The following MCTP1 variants were observed in gnomAD, a reference collection of about 807,000 sequenced individuals.
MCTP1 encodes the protein multiple C2 and transmembrane domain-containing protein 1.
A neutral mutation model predicts 120.6 loss-of-function variants in MCTP1; 69 were observed. That is an observed-to-expected ratio of 0.57 (90% confidence interval 0.47 to 0.70). The LOEUF is 0.70. MCTP1 is among the 30% of genes least tolerant of loss of function. The pLI is 0.00. For missense variants in MCTP1, 1,203 were observed against 1,248.8 expected (o/e 0.96, Z 0.55); for synonymous variants, 529 against 493.1 (o/e 1.07, Z -0.96).
chr5:94,912,766 C>T, intron 9 of MCTP1, 40 bp downstream of exon 9: 1 of 1,473,014 alleles, frequency 6.8e-7, no homozygotes, highest in Non-Finnish European at 9.0e-7. Context: ...CAACCAATGC[C>T]TTCCAAATAT....
intron 1 of MCTP1, among the ~76,000 whole-genome samples, chr5:95,119,845 A>G (rs1163177356): frequency 6.6e-5 from 10 of 152,262 alleles, no homozygotes; most frequent in African/African-American, 2.4e-4. Context: ...GAATAGACCA[A>G]TAACAAGTAA....
At chr5:95,167,671 A>AT (rs1275486735) in intron 1 of MCTP1, among the ~76,000 whole-genome samples, 1 of 152,110 alleles carries the variant, frequency 6.6e-6, no homozygotes, top group Admixed American at 6.5e-5. Context: ...GATGATGAGC[A>AT]TTTTTTCATG....
chr5:95,152,384 T>C (rs1250865360), intron 1 of MCTP1, among the ~76,000 whole-genome samples: 1 of 152,224 alleles, frequency 6.6e-6, no homozygotes, highest in East Asian at 1.9e-4. Context: ...GCATTCTATG[T>C]GTAGGGGACA....
chr5:94,705,653 G>GTTAC lies in MCTP1; in HGVS notation c.*1839_*1842dup, dbSNP rs1446688981. 4 of 151,424 alleles carry GTTAC rather than the reference G, an allele frequency of 2.6e-5. No homozygotes were observed. The highest frequency in any genetic ancestry group is 6.6e-5 in the Admixed American group (1 of 15,144). The allele number at this position is 151,424 out of a possible 1,614,324, so 9.4% of individuals were successfully genotyped here. A position where few individuals can be genotyped will look rare whatever the true frequency, so the allele number is the denominator to read the frequency against. On this transcript the variant is annotated 3_prime_UTR_variant, in exon 23 of 23. Transcript: ENST00000515393. ...GAAACAAATTAGTCATCTGTTAATG[G>GTTAC]TTACTATCCACTAGATACATCTGAG...
intron 12 of MCTP1, among the ~76,000 whole-genome samples, chr5:94,876,566 T>A (rs1798917133): frequency 6.6e-6 from 1 of 152,274 alleles, no homozygotes; most frequent in Non-Finnish European, 1.5e-5. Flanking sequence ...GATTATATAA[T>A]CTATTTTTCT....
rs139236801 is a variant in MCTP1, at chr5:94,809,250, T to G, written c.2437-10118A>C. On this transcript the variant is annotated intron_variant, in intron 17 of 22. Coordinates refer to ENST00000515393, the MANE Select transcript of MCTP1 (RefSeq NM_024717.7). The stretch of plus-strand genomic sequence containing the variant: ...GCTTGGGAAGTTATTTATTTAAATG[T>G]TTTTTTTTTTCAGCTTACAAGTTGT... 3.4e-4 allele frequency among the ~76,000 whole-genome samples: 49 copies of G among 143,952 alleles called. No homozygotes were observed. The East Asian group carries it at 7.7e-3, about 23-fold the overall frequency. 94.4% of individuals were successfully genotyped at this position (143,952 alleles called of 152,430 possible).
At chr5:94,831,466 AT>A (rs1239472323) in intron 17 of MCTP1, among the ~76,000 whole-genome samples, 1 of 152,194 alleles carries the variant, frequency 6.6e-6, no homozygotes, top group Non-Finnish European at 1.5e-5. Context: ...TTTGCAAAAG[AT>A]TTTTTTATAA....
chr5:95,002,851 G>A (rs1347376947), intron 2 of MCTP1, among the ~76,000 whole-genome samples: 1 of 152,112 alleles, frequency 6.6e-6, no homozygotes, highest in African/African-American at 2.4e-5. Context: ...ATGAGATTTG[G>A]GAGGGACCAA....
At chr5:94,929,911 A>G (rs1814116226) in intron 6 of MCTP1, among the ~76,000 whole-genome samples, 1 of 152,214 alleles carries the variant, frequency 6.6e-6, no homozygotes, top group Non-Finnish European at 1.5e-5. Flanking sequence ...TTAGTATTCA[A>G]TATCCCCATT....
intron 2 of MCTP1, among the ~76,000 whole-genome samples, chr5:95,001,180 T>C (rs1833611679): frequency 6.6e-6 from 1 of 152,206 alleles, no homozygotes; most frequent in South Asian, 2.1e-4. Context: ...TCCCCAGCCA[T>C]GTGGAACTGT....
intron 19 of MCTP1, among the ~76,000 whole-genome samples, chr5:94,722,693 C>T (rs1761187966): frequency 6.6e-6 from 1 of 152,094 alleles, no homozygotes; most frequent in African/African-American, 2.4e-5. Context: ...TTTTGCTTCT[C>T]CTTTAAAGTC....
At chr5:95,236,319 T>C (rs1382514239) in intron 1 of MCTP1, among the ~76,000 whole-genome samples, 1 of 152,242 alleles carries the variant, frequency 6.6e-6, no homozygotes, top group Non-Finnish European at 1.5e-5. Context: ...TTTTAGAAGA[T>C]AGGGAATATA....
chr5:94,734,150 T>TACC (rs1763703758), intron 19 of MCTP1, among the ~76,000 whole-genome samples: 1 of 152,162 alleles, frequency 6.6e-6, no homozygotes, highest in African/African-American at 2.4e-5. Context: ...GCCACTTACA[T>TACC]ACCACCACCA....
chr5:94,899,831 T>A lies in MCTP1; in HGVS notation c.1653-4996A>T, dbSNP rs181888129. 5.3e-5 allele frequency among the ~76,000 whole-genome samples: 8 copies of A among 152,358 alleles called. No homozygotes were observed. The East Asian group carries it at 1.5e-3, about 29-fold the overall frequency. On this transcript the variant is annotated intron_variant, in intron 10 of 22. Transcript: ENST00000515393. ...GAATATATTTCCTTGCATTTCTTCCTAGTATTCCCTGCCTCATGTTCTTTC... is the reference window on the plus strand; with the variant it reads ...GAATATATTTCCTTGCATTTCTTCCAAGTATTCCCTGCCTCATGTTCTTTC...
At chr5:94,794,793 G>C (rs1238972002) in intron 18 of MCTP1, among the ~76,000 whole-genome samples, 6 of 152,212 alleles carry the variant, frequency 3.9e-5, no homozygotes, top group Non-Finnish European at 8.8e-5. Flanking sequence ...CCCTGAATGA[G>C]AGATATAGAA....
intron 17 of MCTP1, among the ~76,000 whole-genome samples, chr5:94,811,858 A>C (rs563079460): frequency 3.3e-5 from 5 of 152,304 alleles, no homozygotes; most frequent in Non-Finnish European, 5.9e-5. Context: ...CAGAGTTCTA[A>C]AAGAAGGCCA....
At chr5:94,839,871 C>T (rs1419238993) in intron 17 of MCTP1, among the ~76,000 whole-genome samples, 1 of 152,172 alleles carries the variant, frequency 6.6e-6, no homozygotes, top group African/African-American at 2.4e-5. Flanking sequence ...GACATTTGCA[C>T]ACTGCCTAGC....
chr5:94,960,176 A>AC (rs1348389798), intron 2 of MCTP1, among the ~76,000 whole-genome samples: 1 of 152,062 alleles, frequency 6.6e-6, no homozygotes, highest in Non-Finnish European at 1.5e-5. Flanking sequence ...GGGAAAGGAT[A>AC]CCCTATTTAA....
chr5:94,752,847 G>C (rs1398263979), intron 19 of MCTP1, among the ~76,000 whole-genome samples: 2 of 152,184 alleles, frequency 1.3e-5, no homozygotes, highest in African/African-American at 4.8e-5. Context: ...CAGGATAACA[G>C]GTGTAAACAG....
Sources: gnomAD v4.1 joint callset for allele counts (sites outside exome capture counted in the v4.1 genomes callset) on GRCh38, gnomAD v4.1.1 for gene constraint, MANE v1.5 for transcripts, NCBI Gene and HGNC (gene_info 2026-07-23, HGNC 2026-07-21) for gene names.